PM20D2: variants seen among roughly 807,000 people sequenced by gnomAD.
The protein encoded by PM20D2 is xaa-Arg dipeptidase.
Under a neutral mutation model 42.9 loss-of-function variants are expected in PM20D2, and 33 were observed. The ratio of observed to expected loss-of-function variants is 0.77; its 90% CI spans 0.58 to 1.03. The LOEUF is 1.03. Among genes scored for constraint, PM20D2 ranks in the 50% least tolerant of loss-of-function variants. The probability of loss-of-function intolerance (pLI) is 0.00; values close to 1 mark genes in which losing one functional copy is unlikely to be tolerated. For synonymous variants in PM20D2, 250 were observed against 228.2 expected (o/e 1.10, Z -0.86); for missense variants, 548 against 557.0 (o/e 0.98, Z 0.16).
chr6:89,099,108 A>G, the PM20D2 span, among the ~76,000 whole-genome samples: 6 of 152,262 alleles, frequency 3.9e-5, no homozygotes, highest in East Asian at 7.7e-4. Flanking sequence ...TGGTTCAAAC[A>G]TAAGTAACAA....
the PM20D2 span, among the ~76,000 whole-genome samples, chr6:89,110,851 G>T: frequency 1.3e-5 from 2 of 152,088 alleles, no homozygotes; most frequent in Non-Finnish European, 2.9e-5. Flanking sequence ...CATGGTGGCT[G>T]ATACCTGCAA....
chr6:89,138,800 G>A, the PM20D2 span, among the ~76,000 whole-genome samples: 1 of 152,152 alleles, frequency 6.6e-6, no homozygotes. Flanking sequence ...GGGAGGCAAA[G>A]GTTGCAGTGA....
At chr6:89,117,345 G>T in the PM20D2 span, among the ~76,000 whole-genome samples, 1 of 152,204 alleles carries the variant, frequency 6.6e-6, no homozygotes, top group African/African-American at 2.4e-5. Context: ...AAACTGTAAG[G>T]CCCGAGTACG....
At chr6:89,147,785 C>A (rs900186885) in intron 1 of PM20D2, among the ~76,000 whole-genome samples, 1 of 150,098 alleles carries the variant, frequency 6.7e-6, no homozygotes, top group Non-Finnish European at 1.5e-5. Context: ...CCCAGCTACT[C>A]GGGAGGCTGA....
the PM20D2 span, among the ~76,000 whole-genome samples, chr6:89,132,265 T>C: frequency 6.6e-6 from 1 of 152,330 alleles, no homozygotes; most frequent in African/African-American, 2.4e-5. Flanking sequence ...TTCCTCATTG[T>C]CCTTCAGAAG....
intron 4 of PM20D2, among the ~76,000 whole-genome samples, chr6:89,156,030 G>A (rs953089189): frequency 8.6e-5 from 13 of 152,016 alleles, no homozygotes; most frequent in South Asian, 8.3e-4. Context: ...GATTACAGGC[G>A]CCTGCCTCCA....
chr6:89,130,583 C>T, the PM20D2 span, among the ~76,000 whole-genome samples: 1 of 151,980 alleles, frequency 6.6e-6, no homozygotes, highest in African/African-American at 2.4e-5. Flanking sequence ...GAGGAATCGC[C>T]ACTTTGATTT....
upstream of PM20D2, among the ~76,000 whole-genome samples, chr6:89,144,111 C>T (rs538059167): frequency 3.9e-5 from 6 of 152,232 alleles, no homozygotes; most frequent in South Asian, 1.2e-3. Flanking sequence ...GCAAGAAATA[C>T]AAGGTGTCAA....
chr6:89,124,741 T>TTTTTTTG, the PM20D2 span, among the ~76,000 whole-genome samples: 5 of 142,194 alleles, frequency 3.5e-5, no homozygotes, highest in South Asian at 2.4e-4. Flanking sequence ...TTGTTGTTTT[T>TTTTTTTG]TTTTTTTTTT....
the PM20D2 span, among the ~76,000 whole-genome samples, chr6:89,136,408 T>C: frequency 6.6e-6 from 1 of 151,364 alleles, no homozygotes; most frequent in Non-Finnish European, 1.5e-5. Context: ...CCGGGCGCAG[T>C]GGCTCACGCC....
the PM20D2 span, among the ~76,000 whole-genome samples, chr6:89,129,699 T>G: frequency 6.7e-6 from 1 of 150,242 alleles, no homozygotes; most frequent in Non-Finnish European, 1.5e-5. Flanking sequence ...GCTCAAGCAG[T>G]CCTCCCACCT....
At chr6:89,129,125 C>T in the PM20D2 span, among the ~76,000 whole-genome samples, 26,046 of 151,910 alleles carry the variant, frequency 0.17, 3,018 homozygotes, top group Non-Finnish European at 0.25. Flanking sequence ...CCCCTTGACA[C>T]TCATTGAGGG....
chr6:89,152,922 A>C, intron 2 of PM20D2, 121 bp from the exon 3 acceptor site: 1 of 732,768 alleles, frequency 1.4e-6, no homozygotes, highest in East Asian at 2.9e-5. Context: ...AATAATTTGC[A>C]AATCAAAAGT....
chr6:89,138,065 CT>C, the PM20D2 span, among the ~76,000 whole-genome samples: 89 of 144,702 alleles, frequency 6.2e-4, no homozygotes, highest in Admixed American at 9.7e-4. Flanking sequence ...TTCAAGATTT[CT>C]TTTTTTTTTT....
At chr6:89,158,925 C>A (rs951710423) in intron 5 of PM20D2, among the ~76,000 whole-genome samples, 13 of 151,954 alleles carry the variant, frequency 8.6e-5, no homozygotes, top group Non-Finnish European at 1.5e-4. Flanking sequence ...ATTACTAATA[C>A]ATTTGCAAGT....
intron 5 of PM20D2, among the ~76,000 whole-genome samples, chr6:89,160,255 A>G (rs1315243720): frequency 6.6e-6 from 1 of 152,222 alleles, no homozygotes; most frequent in Non-Finnish European, 1.5e-5. Context: ...ACTATGCCTC[A>G]AAGTCTGGCC....
At chr6:89,100,045 C>G in the PM20D2 span, among the ~76,000 whole-genome samples, 1 of 152,058 alleles carries the variant, frequency 6.6e-6, no homozygotes, top group Non-Finnish European at 1.5e-5. Context: ...TAATTCAGGG[C>G]TACCAAAATG....
At chr6:89,157,267 T>TA (rs1582349033) in intron 4 of PM20D2, among the ~76,000 whole-genome samples, 1 of 152,270 alleles carries the variant, frequency 6.6e-6, no homozygotes, top group East Asian at 1.9e-4. Flanking sequence ...AGTAATTTCT[T>TA]ATATTTTGGC....
the PM20D2 span, chr6:89,107,258 C>T: frequency 5.6e-6 from 9 of 1,610,616 alleles, no homozygotes; most frequent in South Asian, 6.6e-5. Flanking sequence ...AGTCCTCAGG[C>T]CTGAAGTGTT....
Sources: gnomAD v4.1 joint callset for allele counts (sites outside exome capture counted in the v4.1 genomes callset) on GRCh38, gnomAD v4.1.1 for gene constraint, MANE v1.5 for transcripts, NCBI Gene and HGNC (gene_info 2026-07-23, HGNC 2026-07-21) for gene names.